The following JAKMIP2 variants were observed in gnomAD, a reference collection of about 807,000 sequenced individuals.
JAKMIP2 encodes the protein janus kinase and microtubule-interacting protein 2.
JAKMIP2 carries 25 observed loss-of-function variants against 115.0 expected under a neutral mutation model. The observed-to-expected ratio is 0.22, with a 90% confidence interval of 0.16 to 0.30. The LOEUF (loss-of-function observed/expected upper bound fraction) is 0.30, where lower values mean the gene tolerates loss of function less well. Ranked by LOEUF, JAKMIP2 falls within the 10% of genes least tolerant of loss-of-function variation. JAKMIP2 has a pLI of 1.00. For missense variants in JAKMIP2, 642 were observed against 957.6 expected, an observed-to-expected ratio of 0.67 and a Z score of 4.35; for synonymous variants, 334 against 343.6, an observed-to-expected ratio of 0.97 and a Z score of 0.31.
chr5:147,633,950 A>G (rs1304517807), intron 12 of JAKMIP2, among the ~76,000 whole-genome samples: 1 of 152,056 alleles, frequency 6.6e-6, no homozygotes, highest in Non-Finnish European at 1.5e-5. Context: ...TCGGCCTCCC[A>G]ATGTGCTAGG....
At chr5:147,764,941 AGAGAGGGAGAGAGAGAGAGAGAGAGGGG>A (rs1561582485) in intron 1 of JAKMIP2, among the ~76,000 whole-genome samples, 21 of 93,328 alleles carry the variant, frequency 2.3e-4, no homozygotes, top group African/African-American at 1.1e-3. Context: ...AGAGAGAGAG[AGAGAGGGAGAGAGAGAGAGAGAGAGGGG>A]GAGAGAGAGA....
At chr5:147,734,109 C>T (rs1401440788) in intron 1 of JAKMIP2, among the ~76,000 whole-genome samples, 2 of 152,084 alleles carry the variant, frequency 1.3e-5, no homozygotes, top group Admixed American at 6.5e-5. Flanking sequence ...TGAACAAACA[C>T]TTCTCAAAAT....
chr5:147,627,678 T>TAAAAAAAA lies in JAKMIP2; in HGVS notation c.1995+1065_1995+1072dup, dbSNP rs768481105. Among the ~76,000 whole-genome samples, 11 of 70,322 alleles carry TAAAAAAAA rather than the reference T, an allele frequency of 1.6e-4. 2 individuals carry two copies. Among genetic ancestry groups the TAAAAAAAA allele is most frequent in the African/African-American group, 4.5e-4 (8 of 17,644 alleles). The allele number at this position is 70,322 out of a possible 152,430, so 46.1% of individuals were successfully genotyped here. ...ATCTCTAACAGATAAAGCCTTTCTG[T>TAAAAAAAA]AAAAAAAAAAAAAAAAAAAAAAAAA... On this transcript the variant is annotated intron_variant, in intron 16 of 21. Transcript: ENST00000616793.
At chr5:147,702,439 T>TAGGAAGGAAGGAAGGA (rs377372312) in intron 1 of JAKMIP2, among the ~76,000 whole-genome samples, 3 of 85,686 alleles carry the variant, frequency 3.5e-5, no homozygotes, top group African/African-American at 1.7e-4. Context: ...GGAAGGAAGG[T>TAGGAAGGAAGGAAGGA]AGGAAGGAAG....
intron 1 of JAKMIP2, among the ~76,000 whole-genome samples, chr5:147,717,533 T>C (rs1435351236): frequency 2.2e-5 from 3 of 137,214 alleles, no homozygotes; most frequent in African/African-American, 8.1e-5. Flanking sequence ...GAGCAGTGGT[T>C]TGTAGTTCTC....
chr5:147,601,619 A>G (rs1454916073), intron 21 of JAKMIP2, 122 bp downstream of exon 21: 1 of 499,304 alleles, frequency 2.0e-6, no homozygotes, highest in Non-Finnish European at 3.5e-6. Flanking sequence ...AAACAAAACA[A>G]AACAAAACAA....
At chr5:147,687,521 T>C (rs928087152) in intron 1 of JAKMIP2, among the ~76,000 whole-genome samples, 1 of 152,200 alleles carries the variant, frequency 6.6e-6, no homozygotes, top group Non-Finnish European at 1.5e-5. Flanking sequence ...CCTGTGGTCC[T>C]GGCAATAAAG....
chr5:147,603,511 T>A (rs766794186), intron 20 of JAKMIP2, among the ~76,000 whole-genome samples: 16 of 152,202 alleles, frequency 1.1e-4, no homozygotes, highest in African/African-American at 1.7e-4. Context: ...AAGGGAAGAA[T>A]GAAGAGTATC....
At chr5:147,700,848 T>A (rs1424468057) in intron 1 of JAKMIP2, among the ~76,000 whole-genome samples, 2 of 152,170 alleles carry the variant, frequency 1.3e-5, no homozygotes, top group African/African-American at 4.8e-5. Flanking sequence ...TTGTAACATA[T>A]CTGGCTTTTT....
At chr5:147,660,389 A>T (rs1196664991) in intron 3 of JAKMIP2, 1 of 433,170 alleles carries the variant, frequency 2.3e-6, no homozygotes, top group African/African-American at 2.0e-5. Context: ...ACTCCTGTAT[A>T]CTTTGGGAAA....
At chr5:147,673,228 C>T (rs1351157491) in intron 1 of JAKMIP2, among the ~76,000 whole-genome samples, 1 of 152,068 alleles carries the variant, frequency 6.6e-6, no homozygotes, top group Non-Finnish European at 1.5e-5. Context: ...TTCATAGGAA[C>T]AAGGGGCCCA....
intron 1 of JAKMIP2, among the ~76,000 whole-genome samples, chr5:147,750,446 T>C (rs1440803235): frequency 6.6e-6 from 1 of 152,058 alleles, no homozygotes; most frequent in Non-Finnish European, 1.5e-5. Flanking sequence ...GACTCTCATC[T>C]CTAATTTGTT....
intron 1 of JAKMIP2, among the ~76,000 whole-genome samples, chr5:147,774,400 G>A (rs1372960626): frequency 1.3e-5 from 2 of 152,128 alleles, no homozygotes; most frequent in South Asian, 2.1e-4. Context: ...TTAGCAGCTT[G>A]TGAATTCTCA....
In JAKMIP2 at chr5:147,615,980, G is replaced by A. The variant is rs1756557738; in HGVS notation, c.2346+1931C>T. ...GTATCAAAAACATTTCAGGGGAAAT[G>A]CCAGTTGGATGTGGTGCTGTATTAA... is the stretch of plus-strand genomic sequence containing the variant. On this transcript the variant is annotated intron_variant, in intron 19 of 21. Coordinates refer to ENST00000616793, the MANE Select transcript of JAKMIP2 (RefSeq NM_001270941.2). Among the ~76,000 whole-genome samples, 3 of 152,136 alleles carry A rather than the reference G, an allele frequency of 2.0e-5. No individual in the cohort carries two copies. The South Asian group carries it at 6.2e-4, about 31-fold the overall frequency.
chr5:147,629,756 C>G lies in JAKMIP2; in HGVS notation c.1876-10G>C. On this transcript the variant is annotated splice_polypyrimidine_tract_variant and intron_variant, in intron 14 of 21. Coordinates refer to ENST00000616793, the MANE Select transcript of JAKMIP2 (RefSeq NM_001270941.2). ...CAGGGATGTTCACATCCTGCAAAAT[C>G]AAGCAGAAACTCATGTCAAAGACAA... 4 of 1,610,046 alleles carry G rather than the reference C, an allele frequency of 2.5e-6. No individual in the cohort carries two copies. Among genetic ancestry groups the G allele is most frequent in the Non-Finnish European group, 3.4e-6 (4 of 1,177,808 alleles).
intron 15 of JAKMIP2, among the ~76,000 whole-genome samples, chr5:147,629,167 T>C (rs1014809948): frequency 1.3e-5 from 2 of 152,208 alleles, no homozygotes; most frequent in African/African-American, 4.8e-5. Flanking sequence ...TCTCCTTTGA[T>C]AATTTTTCAA....
intron 1 of JAKMIP2, among the ~76,000 whole-genome samples, chr5:147,702,972 GA>G (rs1425949378): frequency 6.6e-6 from 1 of 152,106 alleles, no homozygotes; most frequent in African/African-American, 2.4e-5. Flanking sequence ...TAATTTCAAA[GA>G]AGTAAAGAAT....
intron 1 of JAKMIP2, among the ~76,000 whole-genome samples, chr5:147,769,033 T>A (rs567758958): frequency 6.6e-6 from 1 of 152,250 alleles, no homozygotes; most frequent in African/African-American, 2.4e-5. Context: ...TCCTTAACAT[T>A]TCTCTGTCTT....
At chr5:147,743,300 T>C (rs534570103) in intron 1 of JAKMIP2, among the ~76,000 whole-genome samples, 1 of 152,338 alleles carries the variant, frequency 6.6e-6, no homozygotes, top group African/African-American at 2.4e-5. Context: ...GAAGTGACTT[T>C]TTTGTAGAAG....
Sources: gnomAD v4.1 joint callset for allele counts (sites outside exome capture counted in the v4.1 genomes callset) on GRCh38, gnomAD v4.1.1 for gene constraint, MANE v1.5 for transcripts, NCBI Gene and HGNC (gene_info 2026-07-23, HGNC 2026-07-21) for gene names.